Variants in SLF1 observed in about 807,000 individuals in gnomAD.
The protein encoded by SLF1 is SMC5/6 complex localization factor 1.
In SLF1, 105 loss-of-function variants were observed where a neutral mutation model predicts 123.0. The observed-to-expected ratio is 0.85, with a 90% CI of 0.73 to 1.00. The LOEUF is 1.00. Among genes scored for constraint, SLF1 ranks in the 50% least tolerant of loss-of-function variants. The probability of loss-of-function intolerance (pLI) is 0.00; values close to 1 mark genes in which losing one functional copy is unlikely to be tolerated. For synonymous variants in SLF1, 434 were observed against 406.6 expected (o/e 1.07, Z -0.81); for missense variants, 1,239 against 1,223.0 (o/e 1.01, Z -0.20).
intron 4 of SLF1, among the ~76,000 whole-genome samples, chr5:94,636,216 A>C (rs572157789): frequency 6.6e-6 from 1 of 151,626 alleles, no homozygotes; most frequent in Non-Finnish European, 1.5e-5. Flanking sequence ...AGAATTTTTT[A>C]TTTGTCTTTG....
rs377713375 is a variant in SLF1 at position 94,639,876 on chromosome 5, G to A, written c.432-3397G>A. On this transcript the variant is annotated intron_variant, in intron 4 of 20. Coordinates refer to ENST00000265140, the MANE Select transcript of SLF1 (RefSeq NM_032290.4). Reference sequence around the variant, plus strand: ...GGTGGAAGGGGAGGCAGGAGAGGCAGACACACTTGGTGTGTAACTTTTGTG... The same window carrying A: ...GGTGGAAGGGGAGGCAGGAGAGGCAAACACACTTGGTGTGTAACTTTTGTG... 5.9e-5 allele frequency among the ~76,000 whole-genome samples: 9 copies of A among 152,294 alleles called. No individual in the cohort carries two copies. The South Asian group carries it at 1.9e-3, about 32-fold the overall frequency.
In SLF1 at chr5:94,695,290, G is replaced by T; in HGVS notation, c.3155G>T (p.Arg1052Leu). Residue 1052 changes from arginine (R) to leucine (L), a missense_variant, in exon 21 of 21, where the codon CGG becomes CTG. Physicochemically the swap from Arg to Leu is moderately radical, Grantham distance 102. Transcript: ENST00000265140. The part of the protein sequence containing the change: ...ALMITLEMMC[R>L]SVMEFS ...ATGATAACATTGGAAATGATGTGTCGGTCAGTCATGGAGTTTTCATGATGA... is the reference window on the plus strand; with the variant it reads ...ATGATAACATTGGAAATGATGTGTCTGTCAGTCATGGAGTTTTCATGATGA... 6.2e-7 allele frequency: 1 copy of T among 1,609,386 alleles called. No homozygotes were observed. Among genetic ancestry groups the T allele is most frequent in the South Asian group, 1.1e-5 (1 of 90,534 alleles).
At chr5:94,661,348 C>T (rs1749080347) in intron 9 of SLF1, among the ~76,000 whole-genome samples, 1 of 152,066 alleles carries the variant, frequency 6.6e-6, no homozygotes, top group African/African-American at 2.4e-5. Flanking sequence ...GAGCCAGCTG[C>T]TTTGCTTCTC....
rs183201288 is a variant in SLF1 at position 94,621,145 on chromosome 5, T to C, written c.-1+2380T>C. On this transcript the variant is annotated intron_variant, in intron 1 of 20. Transcript: ENST00000265140. ...ACCCTTGTACTGTTCTTTCACTTAATGTATCTTTCTTTTGTGTTAGCTGAA... is the reference window on the plus strand; with the variant it reads ...ACCCTTGTACTGTTCTTTCACTTAACGTATCTTTCTTTTGTGTTAGCTGAA... Among the ~76,000 whole-genome samples, 4 of 152,344 alleles carry C rather than the reference T, an allele frequency of 2.6e-5. No homozygotes were observed. The East Asian group carries it at 7.7e-4, about 29-fold the overall frequency.
chr5:94,632,452 T>C (rs1745311203), intron 4 of SLF1, among the ~76,000 whole-genome samples: 1 of 152,230 alleles, frequency 6.6e-6, no homozygotes, highest in Non-Finnish European at 1.5e-5. Context: ...ATTGGGATTG[T>C]ATTTTATAGG....
intron 1 of SLF1, among the ~76,000 whole-genome samples, chr5:94,620,595 A>G (rs1269558187): frequency 1.3e-5 from 2 of 152,212 alleles, no homozygotes; most frequent in Non-Finnish European, 2.9e-5. Flanking sequence ...CACCATTTAA[A>G]TAAAACTTTT....
chr5:94,663,994 T>G, intron 11 of SLF1, 86 bp downstream of exon 11: 1 of 1,294,184 alleles, frequency 7.7e-7, no homozygotes, highest in Non-Finnish European at 1.0e-6. Flanking sequence ...TGTTTACAGT[T>G]TATTTTCCCT....
At chr5:94,663,952 G>T in intron 11 of SLF1, 44 bp downstream of exon 11, 4 of 1,423,528 alleles carry the variant, frequency 2.8e-6, no homozygotes, top group South Asian at 1.5e-5. Context: ...TTCAAAGAAT[G>T]TTAAAATGTG....
chr5:94,673,925 A>G (rs11951121), intron 14 of SLF1, among the ~76,000 whole-genome samples: 1 of 152,120 alleles, frequency 6.6e-6, no homozygotes, highest in Non-Finnish European at 1.5e-5. Context: ...TTATTTAACA[A>G]TAACCAGGTG....
In SLF1 at chr5:94,653,430, T is replaced by C; in HGVS notation, c.1032+9T>C. 1 of 1,484,600 alleles carries C rather than the reference T, an allele frequency of 6.7e-7. No individual in the cohort carries two copies. Among genetic ancestry groups the C allele is most frequent in the Non-Finnish European group, 8.9e-7 (1 of 1,124,616 alleles). The allele number at this position is 1,484,600 out of a possible 1,614,324, so 92.0% of individuals were successfully genotyped here. A position where few individuals can be genotyped will look rare whatever the true frequency, so the allele number is the denominator to read the frequency against. Reference sequence around the variant, plus strand: ...TATATAATAGAGATCAGGTAAAGTTTGTAAGCTAAGCTATAGCTTTCTTTT... The same window carrying C: ...TATATAATAGAGATCAGGTAAAGTTCGTAAGCTAAGCTATAGCTTTCTTTT... On this transcript the variant is annotated intron_variant, in intron 8 of 20. Transcript: ENST00000265140.
chr5:94,630,164 A>G (rs1410487469), intron 3 of SLF1, among the ~76,000 whole-genome samples: 1 of 152,166 alleles, frequency 6.6e-6, no homozygotes, highest in African/African-American at 2.4e-5. Context: ...ACCACATTTT[A>G]TTTTGGATTT....
intron 10 of SLF1, 142 bp downstream of exon 10, chr5:94,662,493 C>A (rs79055408): frequency 0.019 from 11,669 of 617,020 alleles, 192 homozygotes; most frequent in East Asian, 0.064. Flanking sequence ...AATATAGCTT[C>A]TCTAATCAGA....
At chr5:94,641,999 A>T (rs746272408) in intron 4 of SLF1, among the ~76,000 whole-genome samples, 5 of 151,896 alleles carry the variant, frequency 3.3e-5, no homozygotes, top group Non-Finnish European at 5.9e-5. Context: ...CTCATCCGGA[A>T]ACAGTGGGTA....
intron 15 of SLF1, among the ~76,000 whole-genome samples, chr5:94,679,650 G>A (rs1751533841): frequency 6.6e-6 from 1 of 151,302 alleles, no homozygotes; most frequent in Non-Finnish European, 1.5e-5. Flanking sequence ...ATTGAGTCTG[G>A]TGCTCTAACA....
In SLF1 at chr5:94,643,446, TAAATA is replaced by T; in HGVS notation, c.594+12_594+16del. 7.2e-7 allele frequency: 1 copy of T among 1,395,298 alleles called. No homozygotes were observed. Among genetic ancestry groups the T allele is most frequent in the Non-Finnish European group, 9.5e-7 (1 of 1,049,716 alleles). The allele number at this position is 1,395,298 out of a possible 1,614,324, so 86.4% of individuals were successfully genotyped here. On this transcript the variant is annotated intron_variant, in intron 5 of 20. Transcript: ENST00000265140. ...GATTTTCTTTTAGAGGTAAGTAAAATAAATAGTAAACATTTTATTTTGTTTCATGT... is the reference window on the plus strand; with the variant it reads ...GATTTTCTTTTAGAGGTAAGTAAAATGTAAACATTTTATTTTGTTTCATGT...
Position 94,670,842 on chromosome 5 carries a change from G to C in SLF1, c.1662-1G>C. 6.5e-7 allele frequency: 1 copy of C among 1,545,094 alleles called. No individual in the cohort carries two copies. The highest frequency in any genetic ancestry group is 8.8e-7 in the Non-Finnish European group (1 of 1,142,756). On this transcript the variant is annotated splice_acceptor_variant, in intron 13 of 20. Transcript: ENST00000265140. LOFTEE classifies it high-confidence loss of function. The stretch of plus-strand genomic sequence containing the variant: ...ATACTTTTTGTTTATATTTTAATTA[G>C]GTTGTATGACTGGTCAGATTCTCAG...
At chr5:94,639,333 G>A (rs1386284756) in intron 4 of SLF1, among the ~76,000 whole-genome samples, 1 of 152,038 alleles carries the variant, frequency 6.6e-6, no homozygotes, top group Non-Finnish European at 1.5e-5. Flanking sequence ...AGCCACTGCA[G>A]CCAGCCATCC....
intron 8 of SLF1, 80 bp downstream of exon 8, chr5:94,653,501 CAT>C: frequency 3.3e-6 from 4 of 1,222,748 alleles, no homozygotes; most frequent in Non-Finnish European, 4.4e-6. Context: ...TATAATGCTA[CAT>C]GTTTTAAGAA....
In SLF1 at chr5:94,695,133, A is replaced by G; in HGVS notation, c.2998A>G (p.Thr1000Ala). 6.2e-7 allele frequency: 1 copy of G among 1,612,648 alleles called. No individual in the cohort carries two copies. The highest frequency in any genetic ancestry group is 1.1e-5 in the South Asian group (1 of 91,060). Residue 1000 changes from threonine (T) to alanine (A), a missense_variant, in exon 21 of 21, where the codon ACC becomes GCC. Physicochemically the swap from Thr to Ala is moderately conservative, Grantham distance 58. Coordinates refer to ENST00000265140, the MANE Select transcript of SLF1 (RefSeq NM_032290.4). Reference protein sequence around the residue: ...LMACKSHKETTSVHTDWLLDL... With the variant: ...LMACKSHKETASVHTDWLLDL... ...GGCTTGTAAAAGTCATAAAGAAACC[A>G]CCAGTGTTCATACTGACTGGTTACT...
Sources: allele counts gnomAD v4.1 joint callset (sites outside exome capture counted in the v4.1 genomes callset), GRCh38; gene constraint gnomAD v4.1.1; transcripts MANE v1.5; gene names NCBI Gene and HGNC (gene_info 2026-07-23, HGNC 2026-07-21).